JKAMP: variants seen among roughly 807,000 people sequenced by gnomAD.
JKAMP encodes JNK1/MAPK8-associated membrane protein.
JKAMP carries 20 observed loss-of-function variants against 40.2 expected under a neutral mutation model. The ratio of observed to expected loss-of-function variants is 0.50; its 90% CI spans 0.35 to 0.72. The LOEUF is 0.72. Ranked by LOEUF, JKAMP falls within the 30% of genes least tolerant of loss-of-function variation. The pLI is 0.01. For missense variants in JKAMP, 276 were observed against 373.0 expected, an observed-to-expected ratio of 0.74 and a Z score of 2.14; for synonymous variants, 138 against 131.6, an observed-to-expected ratio of 1.05 and a Z score of -0.33.
intron 6 of JKAMP, among the ~76,000 whole-genome samples, chr14:59,502,750 A>AATTTTTTTTTTTTTT (rs1891981852): frequency 2.0e-4 from 1 of 4,908 alleles, no homozygotes; most frequent in African/African-American, 3.5e-4. Flanking sequence ...ATAAAATGAG[A>AATTTTTTTTTTTTTT]TTTTTTTTTT....
chr14:59,502,351 GT>G (rs1487396039), intron 6 of JKAMP, among the ~76,000 whole-genome samples: 1 of 152,160 alleles, frequency 6.6e-6, no homozygotes, highest in East Asian at 1.9e-4. Flanking sequence ...ACTATGAACT[GT>G]CTCAGACTAC....
rs759957582 is a variant in JKAMP at position 59,487,844 on chromosome 14, T to G, written c.251+16T>G. 1 of 1,609,032 alleles carries G rather than the reference T, an allele frequency of 6.2e-7. No homozygotes were observed. The highest frequency in any genetic ancestry group is 1.1e-5 in the South Asian group (1 of 90,906). On this transcript the variant is annotated intron_variant, in intron 3 of 6. Transcript: ENST00000616435. ...GGAAAAAGAGGTTAGCACATTTCTA[T>G]GAACATATCTGGCTGGACTAATGTT...
In JKAMP at chr14:59,488,899, CAA is replaced by C. The variant is rs1339547706; in HGVS notation, c.251+1073_251+1074del. ...TAAAAACAAAACAACAACAACAAAACAAAGAGTGCCCAATTAAAAGAGAAAAA... is the reference window on the plus strand; with the variant it reads ...TAAAAACAAAACAACAACAACAAAACAGAGTGCCCAATTAAAAGAGAAAAA... On this transcript the variant is annotated intron_variant, in intron 3 of 6. Transcript: ENST00000616435. 2.0e-5 allele frequency among the ~76,000 whole-genome samples: 3 copies of C among 152,210 alleles called. No individual in the cohort carries two copies. The South Asian group carries it at 6.2e-4, about 31-fold the overall frequency.
chr14:59,501,157 C>A, intron 5 of JKAMP, 34 bp from the exon 6 acceptor site: 1 of 1,328,608 alleles, frequency 7.5e-7, no homozygotes, highest in African/African-American at 1.5e-5. Context: ...AAATTTGTTT[C>A]ATTTCCAACA....
intron 4 of JKAMP, among the ~76,000 whole-genome samples, chr14:59,496,740 T>C (rs1298398408): frequency 6.6e-6 from 1 of 152,252 alleles, no homozygotes; most frequent in Non-Finnish European, 1.5e-5. Context: ...ATTTTTTGTC[T>C]ATTCACTATC....
chr14:59,492,834 G>A (rs1031820175), intron 3 of JKAMP, among the ~76,000 whole-genome samples: 1 of 140,150 alleles, frequency 7.1e-6, no homozygotes, highest in Non-Finnish European at 1.5e-5. Context: ...GTCTTGCTCT[G>A]TTGCCCAGGC....
rs985599115 is a variant in JKAMP, at chr14:59,503,783, T to C, written c.718-71T>C. 15 of 880,600 alleles carry C rather than the reference T, an allele frequency of 1.7e-5. No homozygotes were observed. In the African/African-American group the frequency reaches 1.9e-4, roughly 11 times the overall value. The allele number at this position is 880,600 out of a possible 1,614,324, so 54.5% of individuals were successfully genotyped here. A position where few individuals can be genotyped will look rare whatever the true frequency, so the allele number is the denominator to read the frequency against. On this transcript the variant is annotated intron_variant, in intron 6 of 6. Coordinates refer to ENST00000616435, the MANE Select transcript of JKAMP (RefSeq NM_016475.5). Reference sequence around the variant, plus strand: ...AAATAATACATTTTATATTAAGTTATATTAAATTACCCAGCTGACTTAGCC... The same window carrying C: ...AAATAATACATTTTATATTAAGTTACATTAAATTACCCAGCTGACTTAGCC...
chr14:59,486,737 T>C lies in JKAMP; in HGVS notation c.29T>C (p.Leu10Pro). The change falls in exon 2 of 7, where the codon CTT (leucine) becomes CCT (proline). Residue 10 changes from leucine to proline, a missense_variant. Physicochemically the swap from Leu to Pro is moderately conservative, Grantham distance 98 (BLOSUM62 -3). Coordinates refer to ENST00000616435, the MANE Select transcript of JKAMP (RefSeq NM_016475.5). MAVDIQPAC[L>P]GLYCGKTLLF... Reference sequence around the variant, plus strand: ...GCTGTCGATATTCAACCAGCATGCCTTGGACTTTATTGTGGGAAGACCCTA... The same window carrying C: ...GCTGTCGATATTCAACCAGCATGCCCTGGACTTTATTGTGGGAAGACCCTA... 1.3e-6 allele frequency: 2 copies of C among 1,593,218 alleles called. No homozygotes were observed. The highest frequency in any genetic ancestry group is 2.3e-5 in the South Asian group (2 of 87,540).
chr14:59,485,915 CTGTT>C lies in JKAMP; in HGVS notation c.5-788_5-785del, dbSNP rs374425503. The C allele has an allele frequency of 5.9e-3, 898 of 152,322 alleles. 4 individuals carry two copies. Among genetic ancestry groups the C allele is most frequent in the African/African-American group, 0.02 (814 of 41,546 alleles). The allele number at this position is 152,322 out of a possible 1,614,324, so 9.4% of individuals were successfully genotyped here. A position where few individuals can be genotyped will look rare whatever the true frequency, so the allele number is the denominator to read the frequency against. On this transcript the variant is annotated intron_variant, in intron 1 of 6. Coordinates refer to ENST00000616435, the MANE Select transcript of JKAMP (RefSeq NM_016475.5). ...ACAGGCGTGAGCCACCTCACCGAGC[CTGTT>C]TGTTTGTTTTAATCAATGAATGAAT...
chr14:59,490,476 T>C (rs1175825386), intron 3 of JKAMP, among the ~76,000 whole-genome samples: 1 of 152,206 alleles, frequency 6.6e-6, no homozygotes, highest in Non-Finnish European at 1.5e-5. Flanking sequence ...CATCATTTGA[T>C]GTATATTTTA....
chr14:59,485,216 T>G, intron 1 of JKAMP: 1 of 1,312,688 alleles, frequency 7.6e-7, no homozygotes, highest in Middle Eastern at 2.0e-4. Flanking sequence ...GTGTATTTAT[T>G]AAGCATCTAC....
intron 4 of JKAMP, among the ~76,000 whole-genome samples, chr14:59,496,705 A>G (rs1891478514): frequency 6.6e-6 from 1 of 152,204 alleles, no homozygotes; most frequent in Admixed American, 6.5e-5. Flanking sequence ...AATCAGAATC[A>G]TCACACAGCT....
At chr14:59,495,542 T>TC (rs1165740708) in intron 4 of JKAMP, among the ~76,000 whole-genome samples, 3 of 152,206 alleles carry the variant, frequency 2.0e-5, no homozygotes, top group African/African-American at 7.2e-5. Flanking sequence ...TTTCTTTTTT[T>TC]CTCCCCAAAT....
chr14:59,502,783 A>C (rs1892031786), intron 6 of JKAMP, among the ~76,000 whole-genome samples: 1 of 702 alleles, frequency 1.4e-3, no homozygotes, highest in Non-Finnish European at 6.4e-3. Flanking sequence ...TCGGAGTCTC[A>C]CTCTGTCGCT....
Position 59,504,122 on chromosome 14 carries a change from A to C in JKAMP, c.*50A>C, listed in dbSNP as rs1202348760. 1 of 1,113,094 alleles carries C rather than the reference A, an allele frequency of 9.0e-7. No individual in the cohort carries two copies. Among genetic ancestry groups the C allele is most frequent in the East Asian group, 2.4e-5 (1 of 42,432 alleles). The allele number at this position is 1,113,094 out of a possible 1,614,324, so 69.0% of individuals were successfully genotyped here. On this transcript the variant is annotated 3_prime_UTR_variant, in exon 7 of 7. Transcript: ENST00000616435. Reference sequence around the variant, plus strand: ...ACCTGAGAAGTGCTCCTAATAAAAAAGTAAATCAATCTTAACAGTGTATGA... The same window carrying C: ...ACCTGAGAAGTGCTCCTAATAAAAACGTAAATCAATCTTAACAGTGTATGA...
intron 4 of JKAMP, among the ~76,000 whole-genome samples, chr14:59,497,855 A>C (rs1244767642): frequency 6.6e-6 from 1 of 152,208 alleles, no homozygotes; most frequent in Non-Finnish European, 1.5e-5. Context: ...GTGGTCCGTG[A>C]TCTGAAATGA....
chr14:59,502,755 T>TGTTTTGTTTTGTTTTGTTTTTG (rs67189643), intron 6 of JKAMP, among the ~76,000 whole-genome samples: 1 of 122,918 alleles, frequency 8.1e-6, no homozygotes, highest in Non-Finnish European at 1.6e-5. Flanking sequence ...ATGAGATTTT[T>TGTTTTGTTTTGTTTTGTTTTTG]TTTTTTTTTT....
chr14:59,502,773 TCGGAGTCTCAC>T, intron 6 of JKAMP, among the ~76,000 whole-genome samples: 1 of 102,836 alleles, frequency 9.7e-6, no homozygotes, highest in Non-Finnish European at 1.8e-5. Context: ...TTTTTTTTTT[TCGGAGTCTCAC>T]TCTGTCGCTT....
rs539918420 is a variant in JKAMP at position 59,493,072 on chromosome 14, A to G, written c.252-1946A>G. On this transcript the variant is annotated intron_variant, in intron 3 of 6. Transcript: ENST00000616435. ...CCCGGCCTCCCAAAGTGCTGGGATT[A>G]CAGGCGTGAGCCACCACGCCCAGCC... is the stretch of plus-strand genomic sequence containing the variant. Among the ~76,000 whole-genome samples, 691 of 152,228 alleles carry G rather than the reference A, an allele frequency of 4.5e-3. 1 individual carries two copies. The highest frequency in any genetic ancestry group is 7.1e-3 in the Admixed American group (109 of 15,298).
Sources: gnomAD v4.1 joint callset for allele counts (sites outside exome capture counted in the v4.1 genomes callset) on GRCh38, gnomAD v4.1.1 for gene constraint, MANE v1.5 for transcripts, NCBI Gene and HGNC (gene_info 2026-07-23, HGNC 2026-07-21) for gene names.